QRICH1: variants seen among roughly 807,000 people sequenced by gnomAD.
QRICH1 encodes glutamine rich 1, also known as transcriptional regulator QRICH1.
In QRICH1, 16 loss-of-function variants were observed where a neutral mutation model predicts 87.1. The ratio of observed to expected loss-of-function variants is 0.18; its 90% CI spans 0.12 to 0.28. The LOEUF (loss-of-function observed/expected upper bound fraction) is 0.28. QRICH1 is among the 10% of genes least tolerant of loss of function. QRICH1 has a pLI of 1.00. For missense variants in QRICH1, 647 were observed against 951.7 expected, an observed-to-expected ratio of 0.68 and a Z score of 4.21; for synonymous variants, 367 against 368.4, an observed-to-expected ratio of 1.00 and a Z score of 0.05.
rs1284667421 is a variant in QRICH1 at position 49,053,267 on chromosome 3, T to C, written c.1338+3595A>G. ...ACTTTGGGAGGCCGAGGCAGGTGGATCACGAGGTCAGGAGATCGAGACCAT... is the reference window on the plus strand; with the variant it reads ...ACTTTGGGAGGCCGAGGCAGGTGGACCACGAGGTCAGGAGATCGAGACCAT... On this transcript the variant is annotated intron_variant, in intron 3 of 9. Coordinates refer to ENST00000395443, the MANE Select transcript of QRICH1 (RefSeq NM_198880.3). Among the ~76,000 whole-genome samples, 7 of 151,968 alleles carry C rather than the reference T, an allele frequency of 4.6e-5. No individual in the cohort carries two copies. The East Asian group carries it at 1.2e-3, about 25-fold the overall frequency.
intron 2 of QRICH1, among the ~76,000 whole-genome samples, chr3:49,068,452 C>T (rs1244291716): frequency 7.7e-6 from 1 of 129,214 alleles, no homozygotes; most frequent in Non-Finnish European, 1.6e-5. Context: ...AGCAGGACTC[C>T]GTCTCAAAAA....
intron 3 of QRICH1, 42 bp downstream of exon 3, chr3:49,056,820 G>A: frequency 6.2e-7 from 1 of 1,613,810 alleles, no homozygotes; most frequent in Non-Finnish European, 8.5e-7. Context: ...ACTGGGCCCT[G>A]AGGGACCAGG....
chr3:49,030,266 CGCA>C lies in QRICH1; in HGVS notation c.*183_*185del. 1.7e-6 allele frequency: 1 copy of C among 593,100 alleles called. No homozygotes were observed. The highest frequency in any genetic ancestry group is 2.9e-6 in the Non-Finnish European group (1 of 346,548). The allele number at this position is 593,100 out of a possible 1,614,324, so 36.7% of individuals were successfully genotyped here. On this transcript the variant is annotated 3_prime_UTR_variant, in exon 10 of 10. Transcript: ENST00000395443. ...AGCCACCATCGGCTGAGGAGTCTGCCGCAGCAGGTTTATGAAGATGCAAAGGGG... is the reference window on the plus strand; with the variant it reads ...AGCCACCATCGGCTGAGGAGTCTGCCGCAGGTTTATGAAGATGCAAAGGGG...
At chr3:49,074,853 C>T (rs76601501) in intron 2 of QRICH1, among the ~76,000 whole-genome samples, 4 of 151,822 alleles carry the variant, frequency 2.6e-5, no homozygotes, top group African/African-American at 9.7e-5. Flanking sequence ...GTGGCAGCTG[C>T]CTGTAGTCCC....
intron 3 of QRICH1, among the ~76,000 whole-genome samples, chr3:49,051,014 C>G (rs1379159532): frequency 6.6e-6 from 1 of 152,216 alleles, no homozygotes; most frequent in Admixed American, 6.5e-5. Context: ...TTGCTCAAAG[C>G]CAAGTCTCTA....
intron 3 of QRICH1, 165 bp downstream of exon 3, chr3:49,056,697 G>T: frequency 1.6e-6 from 2 of 1,227,700 alleles, no homozygotes; most frequent in Admixed American, 2.2e-5. Context: ...TTTTTCTGTT[G>T]CATAGCCTCA....
intron 3 of QRICH1, among the ~76,000 whole-genome samples, chr3:49,048,281 T>C (rs2093350061): frequency 6.6e-6 from 1 of 151,592 alleles, no homozygotes; most frequent in East Asian, 2.0e-4. Context: ...TACAGGCATG[T>C]GCCACCACGC....
At chr3:49,058,480 C>T (rs2106909780) in intron 2 of QRICH1, among the ~76,000 whole-genome samples, 1 of 152,226 alleles carries the variant, frequency 6.6e-6, no homozygotes, top group Non-Finnish European at 1.5e-5. Flanking sequence ...CATGTGCCAC[C>T]ATACCCAGCT....
intron 1 of QRICH1, chr3:49,093,323 C>A (rs1331171359): frequency 6.6e-6 from 1 of 152,218 alleles, no homozygotes; most frequent in East Asian, 1.9e-4. Context: ...AGGAGCGGAA[C>A]CGCAAGCCAG....
chr3:49,041,457 T>C (rs2093309396), intron 6 of QRICH1, among the ~76,000 whole-genome samples: 1 of 151,988 alleles, frequency 6.6e-6, no homozygotes, highest in Admixed American at 6.6e-5. Flanking sequence ...CCTCCCGAAA[T>C]ACTGGTATTA....
At chr3:49,088,577 C>A (rs2042214069) in intron 1 of QRICH1, among the ~76,000 whole-genome samples, 1 of 148,798 alleles carries the variant, frequency 6.7e-6, no homozygotes, top group Non-Finnish European at 1.5e-5. Flanking sequence ...TCCCAAAGTG[C>A]TGGGATTACA....
chr3:49,083,478 G>A (rs1345064520), intron 1 of QRICH1: 1 of 152,082 alleles, frequency 6.6e-6, no homozygotes, highest in African/African-American at 2.4e-5. Flanking sequence ...GTAGAATCCT[G>A]TCTGTGGATA....
At position 49,046,527 on chromosome 3, in the gene QRICH1, C is replaced by T. The variant is rs1559930770; in HGVS notation, c.1569G>A (p.Glu523=). The T allele has an allele frequency of 6.2e-7, 1 of 1,614,182 alleles. No individual in the cohort carries two copies. Among genetic ancestry groups the T allele is most frequent in the East Asian group, 2.2e-5 (1 of 44,882 alleles). Residue 523 remains glutamate (E), a synonymous_variant, in exon 5 of 10, where the codon GAG becomes GAA. Transcript: ENST00000395443. ...TCATTAGACAGAGCCCATAATTCAA[C>T]TCTGCCACAGCAGAGGAGATGAGAT... ...QEDLISSAVA[E]LNYGLCLMTR...
chr3:49,043,269 G>C lies in QRICH1; in HGVS notation c.1786+1121C>G, dbSNP rs539490001. 9.9e-5 allele frequency among the ~76,000 whole-genome samples: 15 copies of C among 152,024 alleles called. No individual in the cohort carries two copies. The South Asian group carries it at 2.9e-3, about 29-fold the overall frequency. ...CCCAGCATTTGGGAGGCCGAGGTGG[G>C]CGGATCACCTGAGGTCAGGAGTTCG... is the stretch of plus-strand genomic sequence containing the variant. On this transcript the variant is annotated intron_variant, in intron 6 of 9. Coordinates refer to ENST00000395443, the MANE Select transcript of QRICH1 (RefSeq NM_198880.3).
intron 3 of QRICH1, among the ~76,000 whole-genome samples, chr3:49,055,736 G>C (rs796530547): frequency 1.1e-4 from 17 of 152,126 alleles, no homozygotes; most frequent in South Asian, 4.1e-4. Context: ...GCAGTGGCAC[G>C]ATCTCAGCTC....
chr3:49,077,130 G>A, intron 1 of QRICH1, 92 bp from the exon 2 acceptor site: 1 of 825,440 alleles, frequency 1.2e-6, no homozygotes. Context: ...AATATATTCA[G>A]GGCAGCTGTA....
Position 49,056,873 on chromosome 3 carries a change from C to T in QRICH1, c.1327G>A (p.Val443Ile). ...PPQQQQQQLQVTCSAQTVQVA... is the reference protein window; with the variant it reads ...PPQQQQQQLQITCSAQTVQVA... ...AAGTCTTCACTTACTGAACAAGTAA[C>T]TTGGAGTTGCTGCTGCTGCTGCTGT... Residue 443 changes from valine to isoleucine, a missense_variant, in exon 3 of 10, where the codon GTT (valine) becomes ATT (isoleucine). Val to Ile is a conservative substitution (Grantham distance 29, BLOSUM62 3). Around this residue, in one of 7 missense-constraint regions of QRICH1, gnomAD observed 187 missense variants for 309.5 expected, o/e 0.60. Coordinates refer to ENST00000395443, the MANE Select transcript of QRICH1 (RefSeq NM_198880.3). 6 of 1,614,186 alleles carry T rather than the reference C, an allele frequency of 3.7e-6. No homozygotes were observed. Among genetic ancestry groups the T allele is most frequent in the Non-Finnish European group, 5.1e-6 (6 of 1,180,024 alleles).
At chr3:49,072,722 C>T (rs931108916) in intron 2 of QRICH1, among the ~76,000 whole-genome samples, 9 of 152,160 alleles carry the variant, frequency 5.9e-5, no homozygotes, top group African/African-American at 2.2e-4. Context: ...CCAATATACT[C>T]GTCTGCATTT....
At chr3:49,073,030 C>A (rs889114072) in intron 2 of QRICH1, among the ~76,000 whole-genome samples, 6 of 151,448 alleles carry the variant, frequency 4.0e-5, no homozygotes, top group African/African-American at 1.5e-4. Flanking sequence ...CAAGTGAAAT[C>A]CTGTCTCTTA....
Sources: gnomAD v4.1 joint callset for allele counts (sites outside exome capture counted in the v4.1 genomes callset) on GRCh38, gnomAD v4.1.1 for gene constraint, gnomAD v4.1.1 regional missense constraint, MANE v1.5 for transcripts, NCBI Gene and HGNC (gene_info 2026-07-23, HGNC 2026-07-21) for gene names.